Variants in SMAD1 observed in about 807,000 individuals in gnomAD.
SMAD1 encodes SMAD family member 1.
Under a neutral mutation model 41.6 loss-of-function variants are expected in SMAD1, and 6 were observed. The ratio of observed to expected loss-of-function variants is 0.14; its 90% CI spans 0.08 to 0.28. SMAD1 has a LOEUF of 0.28. SMAD1 is among the 10% of genes least tolerant of loss of function. The pLI, the probability that SMAD1 is intolerant of heterozygous loss-of-function variation, is 1.00. For missense variants in SMAD1, 379 were observed against 582.6 expected, an observed-to-expected ratio of 0.65 and a Z score of 3.60; for synonymous variants, 206 against 203.2, an observed-to-expected ratio of 1.01 and a Z score of -0.12.
At chr4:145,556,077 T>C (rs1732820085) in intron 6 of SMAD1, among the ~76,000 whole-genome samples, 1 of 152,228 alleles carries the variant, frequency 6.6e-6, no homozygotes, top group South Asian at 2.1e-4. Context: ...TTAAAGAAAT[T>C]AGAACATTTT....
At chr4:145,488,330 A>T (rs1728592712) in intron 1 of SMAD1, among the ~76,000 whole-genome samples, 1 of 152,122 alleles carries the variant, frequency 6.6e-6, no homozygotes, top group African/African-American at 2.4e-5. Flanking sequence ...GATTCAGAAT[A>T]TATTTTTATA....
intron 4 of SMAD1, chr4:145,545,897 G>C (rs1199510844): frequency 1.3e-5 from 2 of 152,148 alleles, no homozygotes; most frequent in Non-Finnish European, 2.9e-5. Flanking sequence ...ACCATGTTCT[G>C]TTTGGAGATT....
At chr4:145,506,899 A>G (rs866234169) in intron 1 of SMAD1, among the ~76,000 whole-genome samples, 12 of 152,122 alleles carry the variant, frequency 7.9e-5, no homozygotes, top group African/African-American at 2.9e-4. Context: ...GTATTTTAAC[A>G]TTTTTTTCTT....
chr4:145,519,705 T>G (rs951594790), intron 2 of SMAD1, among the ~76,000 whole-genome samples: 2 of 152,022 alleles, frequency 1.3e-5, no homozygotes, highest in African/African-American at 4.8e-5. Flanking sequence ...CAATGTATTA[T>G]TAACTATAGT....
intron 4 of SMAD1, among the ~76,000 whole-genome samples, chr4:145,542,972 T>A (rs938371385): frequency 6.7e-6 from 1 of 150,060 alleles, no homozygotes; most frequent in Admixed American, 6.7e-5. Context: ...ATGATGAAAA[T>A]TTTTTTTTTG....
chr4:145,540,221 A>G (rs565610032), intron 3 of SMAD1, among the ~76,000 whole-genome samples, 160 bp downstream of exon 3: 1 of 152,372 alleles, frequency 6.6e-6, no homozygotes, highest in African/African-American at 2.4e-5. Flanking sequence ...GTGAAAGGAG[A>G]CCTCATAGTC....
intron 5 of SMAD1, among the ~76,000 whole-genome samples, chr4:145,550,855 C>G (rs1732516788): frequency 6.6e-6 from 1 of 152,028 alleles, no homozygotes; most frequent in African/African-American, 2.4e-5. Context: ...ATGAAGAAAC[C>G]AAATTTTACT....
intron 1 of SMAD1, among the ~76,000 whole-genome samples, chr4:145,496,807 A>G (rs1325669295): frequency 6.6e-6 from 1 of 152,206 alleles, no homozygotes; most frequent in Non-Finnish European, 1.5e-5. Context: ...AGTGTTTCCC[A>G]TAAAACCACC....
At chr4:145,502,133 A>C (rs1729480927) in intron 1 of SMAD1, among the ~76,000 whole-genome samples, 1 of 152,166 alleles carries the variant, frequency 6.6e-6, no homozygotes, top group Non-Finnish European at 1.5e-5. Context: ...ATAAAATTAA[A>C]TCTTAAAATG....
chr4:145,534,895 T>TA (rs1279469236), intron 2 of SMAD1, among the ~76,000 whole-genome samples: 1 of 152,088 alleles, frequency 6.6e-6, no homozygotes, highest in East Asian at 1.9e-4. Flanking sequence ...AATAAAATAA[T>TA]ATGTTGATAA....
intron 1 of SMAD1, among the ~76,000 whole-genome samples, chr4:145,493,682 G>A (rs969830677): frequency 6.6e-6 from 1 of 152,112 alleles, no homozygotes; most frequent in African/African-American, 2.4e-5. Context: ...CTTTAAAAGG[G>A]GTGTGTCCTC....
chr4:145,503,837 T>G (rs1283458174), intron 1 of SMAD1: 3 of 152,240 alleles, frequency 2.0e-5, no homozygotes, highest in African/African-American at 4.8e-5. Context: ...TATGTCTACA[T>G]TGTCCCCATT....
chr4:145,494,011 G>T (rs1026488588), intron 1 of SMAD1, among the ~76,000 whole-genome samples: 1 of 152,138 alleles, frequency 6.6e-6, no homozygotes, highest in African/African-American at 2.4e-5. Flanking sequence ...GCCCAGGCTG[G>T]AGTGCAGTGG....
chr4:145,531,003 G>A (rs1311799189), intron 2 of SMAD1, among the ~76,000 whole-genome samples: 2 of 152,196 alleles, frequency 1.3e-5, no homozygotes, highest in Non-Finnish European at 2.9e-5. Context: ...CTGTCCTGTT[G>A]ACTCATACCT....
At chr4:145,508,245 T>A (rs541281366) in intron 1 of SMAD1, among the ~76,000 whole-genome samples, 2 of 152,212 alleles carry the variant, frequency 1.3e-5, no homozygotes, top group Middle Eastern at 6.8e-3. Context: ...TTCCTTCATA[T>A]CAGCTTGTAT....
intron 2 of SMAD1, among the ~76,000 whole-genome samples, chr4:145,529,960 G>T (rs1317810512): frequency 2.6e-5 from 4 of 152,166 alleles, no homozygotes; most frequent in African/African-American, 9.7e-5. Context: ...AAGAGTCTGA[G>T]GGCTGAACTT....
chr4:145,498,964 G>A (rs542259044), intron 1 of SMAD1, among the ~76,000 whole-genome samples: 16 of 152,288 alleles, frequency 1.1e-4, no homozygotes, highest in Non-Finnish European at 1.6e-4. Flanking sequence ...CTCTCAAGCC[G>A]TGGCTGGTTT....
At chr4:145,550,881 T>G (rs1732518934) in intron 5 of SMAD1, among the ~76,000 whole-genome samples, 1 of 152,228 alleles carries the variant, frequency 6.6e-6, no homozygotes, top group Non-Finnish European at 1.5e-5. Flanking sequence ...AAAGAAAATT[T>G]GAATAAATAG....
chr4:145,485,604 G>A (rs1302096362), intron 1 of SMAD1, among the ~76,000 whole-genome samples: 1 of 152,102 alleles, frequency 6.6e-6, no homozygotes, highest in African/African-American at 2.4e-5. Flanking sequence ...GTCAAAGATG[G>A]AAAGACATAT....
Sources: allele counts gnomAD v4.1 joint callset (sites outside exome capture counted in the v4.1 genomes callset), GRCh38; gene constraint gnomAD v4.1.1; transcripts MANE v1.5; gene names NCBI Gene and HGNC (gene_info 2026-07-23, HGNC 2026-07-21).